KCNH5: variants seen among roughly 807,000 people sequenced by gnomAD.
The protein encoded by KCNH5 is voltage-gated delayed rectifier potassium channel KCNH5.
KCNH5 carries 46 observed loss-of-function variants against 96.1 expected under a neutral mutation model. The ratio of observed to expected loss-of-function variants is 0.48; its 90% CI spans 0.38 to 0.61. The LOEUF is 0.61. KCNH5 is among the 20% of genes least tolerant of loss of function. The pLI, the probability that KCNH5 is intolerant of heterozygous loss-of-function variation, is 0.00. For synonymous variants in KCNH5, 439 were observed against 449.8 expected (o/e 0.98, Z 0.30); for missense variants, 907 against 1,225.8 (o/e 0.74, Z 3.88).
At chr14:62,727,393 A>G (rs1450975740) in intron 10 of KCNH5, among the ~76,000 whole-genome samples, 1 of 152,054 alleles carries the variant, frequency 6.6e-6, no homozygotes, top group African/African-American at 2.4e-5. Flanking sequence ...TGAGTAGGTA[A>G]AGCTTGCATA....
intron 5 of KCNH5, 90 bp downstream of exon 5, chr14:62,986,982 A>G: frequency 1.2e-6 from 1 of 823,262 alleles, no homozygotes; most frequent in Non-Finnish European, 2.1e-6. Flanking sequence ...TTATAAGATC[A>G]TAGCCAGAAA....
chr14:62,985,918 T>A (rs1208446547), intron 5 of KCNH5, among the ~76,000 whole-genome samples: 1 of 152,196 alleles, frequency 6.6e-6, no homozygotes, highest in African/African-American at 2.4e-5. Flanking sequence ...CTTACATTCG[T>A]CATTTTATTA....
intron 7 of KCNH5, among the ~76,000 whole-genome samples, chr14:62,868,989 A>G (rs904772521): frequency 1.6e-4 from 25 of 152,228 alleles, no homozygotes; most frequent in African/African-American, 6.0e-4. Context: ...CAGTGCTGCA[A>G]TAAACATACG....
chr14:62,975,540 A>G, intron 6 of KCNH5, among the ~76,000 whole-genome samples: 1 of 152,120 alleles, frequency 6.6e-6, no homozygotes, highest in Admixed American at 6.5e-5. Flanking sequence ...ATAAAAGACA[A>G]TAATAATTTG....
At chr14:62,958,061 T>G (rs1410943236) in intron 6 of KCNH5, among the ~76,000 whole-genome samples, 1 of 152,194 alleles carries the variant, frequency 6.6e-6, no homozygotes, top group African/African-American at 2.4e-5. Flanking sequence ...GACAGAACAC[T>G]GGGGCAATAT....
chr14:62,858,299 C>G (rs1212792545), intron 7 of KCNH5, among the ~76,000 whole-genome samples: 1 of 152,118 alleles, frequency 6.6e-6, no homozygotes, highest in Non-Finnish European at 1.5e-5. Flanking sequence ...TGACCCAAAC[C>G]TTCATTCCTG....
intron 7 of KCNH5, among the ~76,000 whole-genome samples, chr14:62,899,392 T>A (rs562828507): frequency 7.2e-5 from 11 of 152,126 alleles, no homozygotes; most frequent in African/African-American, 2.6e-4. Context: ...ACTTGAAAAT[T>A]GCTAGGAGAG....
At chr14:62,765,662 C>CA (rs1885843810) in intron 10 of KCNH5, among the ~76,000 whole-genome samples, 1 of 152,032 alleles carries the variant, frequency 6.6e-6, no homozygotes, top group Non-Finnish European at 1.5e-5. Context: ...GGAACTTACA[C>CA]AAATTAACAA....
At chr14:62,989,656 A>G (rs1294417993) in intron 4 of KCNH5, among the ~76,000 whole-genome samples, 1 of 151,972 alleles carries the variant, frequency 6.6e-6, no homozygotes, top group African/African-American at 2.4e-5. Context: ...CACTAACAAC[A>G]CTGATGTAAT....
chr14:62,814,782 C>CAAAAAAAAAAAAAA lies in KCNH5; in HGVS notation c.1570-12215_1570-12202dup, dbSNP rs71120235. On this transcript the variant is annotated intron_variant, in intron 8 of 10. Coordinates refer to ENST00000322893, the MANE Select transcript of KCNH5 (RefSeq NM_139318.5). ...TGGGCGACAAAGCGAGACTCCATCTCAAAAAAAAAAAAAAAAAAAAAAAAA... is the reference window on the plus strand; with the variant it reads ...TGGGCGACAAAGCGAGACTCCATCTCAAAAAAAAAAAAAAAAAAAAAAAAAAAAAAAAAAAAAAA... Among the ~76,000 whole-genome samples, 76 of 33,746 alleles carry CAAAAAAAAAAAAAA rather than the reference C, an allele frequency of 2.3e-3. 15 individuals are homozygous for CAAAAAAAAAAAAAA. The highest frequency in any genetic ancestry group is 4.0e-3 in the Admixed American group (7 of 1,758). The allele number at this position is 33,746 out of a possible 152,430, so 22.1% of individuals were successfully genotyped here. A position where few individuals can be genotyped will look rare whatever the true frequency, so the allele number is the denominator to read the frequency against.
chr14:62,937,270 A>G (rs1459732942), intron 7 of KCNH5, among the ~76,000 whole-genome samples: 1 of 151,958 alleles, frequency 6.6e-6, no homozygotes, highest in Admixed American at 6.6e-5. Context: ...AATCCTAACC[A>G]CCACCATCAT....
rs150084039 is a variant in KCNH5 at position 62,998,201 on chromosome 14, T to C, written c.433+3130A>G. 4.6e-5 allele frequency among the ~76,000 whole-genome samples: 7 copies of C among 152,278 alleles called. No individual in the cohort carries two copies. The East Asian group carries it at 1.4e-3, about 29-fold the overall frequency. On this transcript the variant is annotated intron_variant, in intron 4 of 10. Coordinates refer to ENST00000322893, the MANE Select transcript of KCNH5 (RefSeq NM_139318.5). ...GAAGTTCATTTTTCCTTCTGTAAGT[T>C]TTGGTAGTTTGTGTGTTTCAAGGAA...
chr14:62,837,864 T>G (rs774249077), intron 8 of KCNH5, among the ~76,000 whole-genome samples: 4 of 152,184 alleles, frequency 2.6e-5, no homozygotes, highest in East Asian at 1.9e-4. Flanking sequence ...TCTCTACGGA[T>G]GTACTGACAT....
intron 10 of KCNH5, among the ~76,000 whole-genome samples, chr14:62,729,324 T>A (rs755028401): frequency 1.2e-4 from 18 of 152,212 alleles, no homozygotes; most frequent in South Asian, 4.1e-4. Flanking sequence ...CTAAACTTAA[T>A]ACATTTTAGA....
intron 10 of KCNH5, among the ~76,000 whole-genome samples, chr14:62,766,956 TCTA>T (rs1885874568): frequency 6.6e-6 from 1 of 152,040 alleles, no homozygotes; most frequent in South Asian, 2.1e-4. Flanking sequence ...AATACATACA[TCTA>T]CTATGTACCC....
At chr14:62,712,656 T>A (rs1166923755) in intron 10 of KCNH5, 1 of 776,710 alleles carries the variant, frequency 1.3e-6, no homozygotes, top group African/African-American at 1.7e-5. Flanking sequence ...TAGGAAGTCG[T>A]GCAGCAGTTT....
At chr14:62,846,789 C>CTTTTTTTTTTTTTTTTT (rs766919022) in intron 8 of KCNH5, among the ~76,000 whole-genome samples, 1 of 67,480 alleles carries the variant, frequency 1.5e-5, no homozygotes. Context: ...TGTATTGTAT[C>CTTTTTTTTTTTTTTTTT]TTTTTTTTTT....
chr14:62,934,661 G>A (rs886483526), intron 7 of KCNH5, among the ~76,000 whole-genome samples: 5 of 152,108 alleles, frequency 3.3e-5, no homozygotes, highest in African/African-American at 9.7e-5. Context: ...AGAGGAGTGT[G>A]GTAACAGCTG....
chr14:62,750,230 A>T (rs982957693), intron 10 of KCNH5, among the ~76,000 whole-genome samples: 4 of 152,208 alleles, frequency 2.6e-5, no homozygotes, highest in African/African-American at 9.6e-5. Flanking sequence ...TTACTGTTTT[A>T]AGTAAGCCTT....
Sources: gnomAD v4.1 joint callset for allele counts (sites outside exome capture counted in the v4.1 genomes callset) on GRCh38, gnomAD v4.1.1 for gene constraint, MANE v1.5 for transcripts, NCBI Gene and HGNC (gene_info 2026-07-23, HGNC 2026-07-21) for gene names.